TMT1A: variants seen among roughly 807,000 people sequenced by gnomAD.
TMT1A encodes the protein thiol methyltransferase 1A, also known as thiol S-methyltransferase TMT1A.
chr12:50,930,037 A>G, the TMT1A span: 29 of 1,613,944 alleles, frequency 1.8e-5, no homozygotes, highest in Non-Finnish European at 2.3e-5. Context: ...GACCAGAGAG[A>G]GCTGGAAGGC....
At chr12:50,928,283 C>T in the TMT1A span, among the ~76,000 whole-genome samples, 1,130 of 152,252 alleles carry the variant, frequency 7.4e-3, 5 homozygotes, top group South Asian at 0.018. Flanking sequence ...GATTTTTGCT[C>T]CTTAGCTCAG....
At chr12:50,928,315 A>G in the TMT1A span, among the ~76,000 whole-genome samples, 1 of 152,144 alleles carries the variant, frequency 6.6e-6, no homozygotes, top group Non-Finnish European at 1.5e-5. Flanking sequence ...TTCTTGTCTC[A>G]CATTCAGGAA....
the TMT1A span, among the ~76,000 whole-genome samples, chr12:50,929,742 T>C: frequency 6.6e-6 from 1 of 152,232 alleles, no homozygotes; most frequent in Admixed American, 6.5e-5. Flanking sequence ...ATTTAAAACA[T>C]GGTTATTCAG....
the TMT1A span, among the ~76,000 whole-genome samples, chr12:50,929,314 A>C: frequency 6.6e-6 from 1 of 152,204 alleles, no homozygotes; most frequent in Non-Finnish European, 1.5e-5. Flanking sequence ...GACCCATATA[A>C]TTTGGGGAAA....
the TMT1A span, among the ~76,000 whole-genome samples, chr12:50,927,445 A>G: frequency 6.6e-6 from 1 of 152,224 alleles, no homozygotes; most frequent in Non-Finnish European, 1.5e-5. Flanking sequence ...ATAAAAAAGG[A>G]CTGATTCTTA....
At chr12:50,932,063 G>A in the TMT1A span, 1 of 152,106 alleles carries the variant, frequency 6.6e-6, no homozygotes, top group Non-Finnish European at 1.5e-5. Context: ...GTACTTGACA[G>A]TTTAGTATAT....
the TMT1A span, among the ~76,000 whole-genome samples, chr12:50,926,243 G>A: frequency 2.6e-4 from 39 of 152,108 alleles, no homozygotes; most frequent in East Asian, 6.9e-3. Flanking sequence ...GAACAGAAAT[G>A]TAAACCAATT....
the TMT1A span, among the ~76,000 whole-genome samples, chr12:50,927,273 C>T: frequency 3.9e-4 from 60 of 152,146 alleles, no homozygotes; most frequent in Non-Finnish European, 5.9e-5. Flanking sequence ...GTGGTCTGCC[C>T]ACTTTGGCCT....
chr12:50,931,924 G>A, the TMT1A span: 2 of 152,042 alleles, frequency 1.3e-5, no homozygotes, highest in Non-Finnish European at 2.9e-5. Flanking sequence ...TAGCGTCACT[G>A]GTCTGGCTTT....
chr12:50,932,341 C>T, the TMT1A span: 2 of 152,148 alleles, frequency 1.3e-5, no homozygotes, highest in Non-Finnish European at 2.9e-5. Flanking sequence ...AAAATCATCA[C>T]AAGTGCCTCT....
the TMT1A span, chr12:50,925,511 G>A: frequency 4.0e-5 from 64 of 1,613,696 alleles, no homozygotes; most frequent in East Asian, 6.7e-5. Context: ...CGGATTCTCC[G>A]CGAGGTGTGC....
At chr12:50,926,072 A>C in the TMT1A span, among the ~76,000 whole-genome samples, 2 of 150,936 alleles carry the variant, frequency 1.3e-5, no homozygotes, top group Admixed American at 6.6e-5. Context: ...AGAAAAAAAA[A>C]CTCCCCAAAA....
the TMT1A span, among the ~76,000 whole-genome samples, chr12:50,927,329 C>T: frequency 6.6e-6 from 1 of 152,084 alleles, no homozygotes; most frequent in Non-Finnish European, 1.5e-5. Context: ...GCCCAACCAT[C>T]AGTTTTATTT....
chr12:50,926,016 CAAAAAAAA>C, the TMT1A span, among the ~76,000 whole-genome samples: 1 of 26,064 alleles, frequency 3.8e-5, no homozygotes, highest in African/African-American at 1.7e-4. Flanking sequence ...AACTCCATCT[CAAAAAAAA>C]AAAAAAAAAA....
At chr12:50,927,509 G>C in the TMT1A span, among the ~76,000 whole-genome samples, 1 of 152,206 alleles carries the variant, frequency 6.6e-6, no homozygotes, top group Admixed American at 6.5e-5. Context: ...TGGCACATTA[G>C]TAGATGTTTT....
At chr12:50,926,438 C>A in the TMT1A span, among the ~76,000 whole-genome samples, 1 of 152,136 alleles carries the variant, frequency 6.6e-6, no homozygotes, top group Non-Finnish European at 1.5e-5. Context: ...AAAATTTAAA[C>A]CACACATACT....
chr12:50,931,839 A>ACAGGTGTG, the TMT1A span: 1 of 151,918 alleles, frequency 6.6e-6, no homozygotes. Flanking sequence ...TGTTGGGATT[A>ACAGGTGTG]CAGGTGTGAG....
At chr12:50,930,299 GA>G in the TMT1A span, 5 of 625,464 alleles carry the variant, frequency 8.0e-6, no homozygotes, top group African/African-American at 7.7e-5. Flanking sequence ...TTGGCGGGAA[GA>G]AAGAGTTTTG....
At chr12:50,925,591 C>T in the TMT1A span, 5 of 1,536,278 alleles carry the variant, frequency 3.3e-6, no homozygotes, top group Non-Finnish European at 4.4e-6. Flanking sequence ...TCATAGAGGG[C>T]AGGCCTGTCA....
Sources: gnomAD v4.1 joint callset for allele counts (sites outside exome capture counted in the v4.1 genomes callset) on GRCh38, gnomAD v4.1.1 for gene constraint, MANE v1.5 for transcripts, NCBI Gene and HGNC (gene_info 2026-07-23, HGNC 2026-07-21) for gene names.